COL5A1: variants seen among roughly 807,000 people sequenced by gnomAD.
COL5A1 encodes collagen alpha-1(V) chain.
COL5A1 carries 16 observed loss-of-function variants against 263.7 expected under a neutral mutation model. The ratio of observed to expected loss-of-function variants is 0.06; its 90% CI spans 0.04 to 0.09. The LOEUF (loss-of-function observed/expected upper bound fraction) is 0.09. Among genes scored for constraint, COL5A1 ranks in the 10% least tolerant of loss-of-function variants. The probability of loss-of-function intolerance (pLI) is 1.00; values close to 1 mark genes in which losing one functional copy is unlikely to be tolerated. For missense variants in COL5A1, 2,036 were observed against 2,540.5 expected, an observed-to-expected ratio of 0.80 and a Z score of 4.27; for synonymous variants, 1,012 against 1,004.5, an observed-to-expected ratio of 1.01 and a Z score of -0.14.
intron 14 of COL5A1, among the ~76,000 whole-genome samples, chr9:134,752,995 T>C (rs1835841748): frequency 6.6e-6 from 1 of 152,082 alleles, no homozygotes; most frequent in African/African-American, 2.4e-5. Context: ...CACCCCTGCA[T>C]TGGAGTTCCA....
chr9:134,744,891 ACACT>A (rs1407965672), intron 11 of COL5A1, among the ~76,000 whole-genome samples: 4 of 143,142 alleles, frequency 2.8e-5, no homozygotes, highest in Non-Finnish European at 4.4e-5. Flanking sequence ...ACCTGCACAC[ACACT>A]CATGCACATA....
intron 4 of COL5A1, chr9:134,708,518 T>G: frequency 2.0e-6 from 1 of 508,952 alleles, no homozygotes; most frequent in Non-Finnish European, 3.9e-6. Flanking sequence ...GCTGTCTCCT[T>G]AGCATCCACT....
intron 63 of COL5A1, among the ~76,000 whole-genome samples, chr9:134,828,984 C>G (rs1185304117): frequency 6.6e-6 from 1 of 151,308 alleles, no homozygotes; most frequent in Non-Finnish European, 1.5e-5. Context: ...ACATACCCCC[C>G]ACACCATGCA....
chr9:134,775,341 A>G (rs1331705156), intron 27 of COL5A1, among the ~76,000 whole-genome samples: 1 of 152,204 alleles, frequency 6.6e-6, no homozygotes, highest in South Asian at 2.1e-4. Flanking sequence ...CTTCCCAGCC[A>G]TTTGCACATT....
chr9:134,843,422 C>T lies in COL5A1; in HGVS notation c.*1119C>T, dbSNP rs1830159041. ...GTTTTAAGGTCTCCTTGAAGGCGCA[C>T]TGGGGACCCTGGCCATGCCTCGTTC... On this transcript the variant is annotated 3_prime_UTR_variant, in exon 66 of 66. Transcript: ENST00000371817. 1 of 152,588 alleles carries T rather than the reference C, an allele frequency of 6.6e-6. No homozygotes were observed. Among genetic ancestry groups the T allele is most frequent in the South Asian group, 2.1e-4 (1 of 4,822 alleles). The allele number at this position is 152,588 out of a possible 1,614,324, so 9.5% of individuals were successfully genotyped here. A position where few individuals can be genotyped will look rare whatever the true frequency, so the allele number is the denominator to read the frequency against.
intron 1 of COL5A1, among the ~76,000 whole-genome samples, chr9:134,659,948 G>A (rs192892937): frequency 1.3e-5 from 2 of 152,254 alleles, no homozygotes; most frequent in Admixed American, 6.5e-5. Flanking sequence ...AGTTTCAGCC[G>A]ACACACGGCC....
intron 1 of COL5A1, among the ~76,000 whole-genome samples, chr9:134,676,341 G>GGCCATCTC (rs1832683860): frequency 6.6e-6 from 1 of 152,122 alleles, no homozygotes; most frequent in African/African-American, 2.4e-5. Flanking sequence ...GGACATGTTG[G>GGCCATCTC]GCCATCTCTC....
chr9:134,708,547 C>T (rs1277531771), intron 4 of COL5A1: 2 of 517,200 alleles, frequency 3.9e-6, no homozygotes, highest in Non-Finnish European at 7.7e-6. Context: ...CTGTAGGATC[C>T]ACCTCCGCTG....
At chr9:134,668,037 G>C (rs779111243) in intron 1 of COL5A1, among the ~76,000 whole-genome samples, 1 of 152,182 alleles carries the variant, frequency 6.6e-6, no homozygotes, top group Non-Finnish European at 1.5e-5. Context: ...CAGTGTTGTG[G>C]ATGTACCAGG....
In COL5A1 at chr9:134,768,970, G is replaced by A. The variant is rs115926845; in HGVS notation, c.2286+507G>A. On this transcript the variant is annotated intron_variant, in intron 25 of 65. Transcript: ENST00000371817. ...GACAAATCCAATCTGTGTCTAAGCT[G>A]TGTGGAGGGGGGAGGTGTGAGGAAG... Among the ~76,000 whole-genome samples the A allele has an allele frequency of 1.3e-3, 195 of 152,352 alleles. 1 individual carries two copies. The highest frequency in any genetic ancestry group is 4.5e-3 in the African/African-American group (187 of 41,582).
Position 134,716,010 on chromosome 9 carries a change from A to G in COL5A1, c.655-11256A>G. ...GGTGGTGGTGGTGGTGGTGGTGATG[A>G]TGTTAGTAGTGTGTTGGTTCTATGG... On this transcript the variant is annotated intron_variant, in intron 4 of 65. Coordinates refer to ENST00000371817, the MANE Select transcript of COL5A1 (RefSeq NM_000093.5). The surrounding 1 kb of genome is among the most constrained non-coding windows in gnomAD (Gnocchi z 4.5). Among the ~76,000 whole-genome samples, 1 of 150,666 alleles carries G rather than the reference A, an allele frequency of 6.6e-6. No individual in the cohort carries two copies. Among genetic ancestry groups the G allele is most frequent in the East Asian group, 1.9e-4 (1 of 5,140 alleles).
rs1386920835 is a variant in COL5A1, at chr9:134,686,441, G to A, written c.110-4471G>A. On this transcript the variant is annotated intron_variant, in intron 1 of 65. Transcript: ENST00000371817. This position sits in a 1 kb window ranked among gnomAD's most constrained non-coding sequence, Gnocchi z 4.6. ...CTAATTTTTGTATTTATGTAGAGAC[G>A]GGGTTTTACCATGTTGCCCAGGTTG... Among the ~76,000 whole-genome samples the A allele has an allele frequency of 1.3e-5, 2 of 152,028 alleles. No individual in the cohort carries two copies. Among genetic ancestry groups the A allele is most frequent in the Non-Finnish European group, 2.9e-5 (2 of 68,018 alleles).
At position 134,741,883 on chromosome 9, in the gene COL5A1, C is replaced by A. The variant is rs1012913590; in HGVS notation, c.1494+3075C>A. Among the ~76,000 whole-genome samples, 1 of 152,098 alleles carries A rather than the reference C, an allele frequency of 6.6e-6. No individual in the cohort carries two copies. Among genetic ancestry groups the A allele is most frequent in the African/African-American group, 2.4e-5 (1 of 41,428 alleles). ...AGCCCTTCCTCCCTTCCCCAAGGGC[C>A]GTCTGGCCGTGACCGGTTTGTGCCT... On this transcript the variant is annotated intron_variant, in intron 11 of 65. Coordinates refer to ENST00000371817, the MANE Select transcript of COL5A1 (RefSeq NM_000093.5). The surrounding 1 kb of genome is among the most constrained non-coding windows in gnomAD (Gnocchi z 4.5).
chr9:134,829,511 CCCGAGGG>C (rs1247086510), intron 63 of COL5A1, among the ~76,000 whole-genome samples: 305 of 150,094 alleles, frequency 2.0e-3, no homozygotes, highest in African/African-American at 6.9e-3. Context: ...CTCCAGTCTC[CCCGAGGG>C]CTGGGGCCAG....
chr9:134,835,327 ACT>A (rs1839815477), intron 65 of COL5A1, 123 bp downstream of exon 65: 3 of 835,026 alleles, frequency 3.6e-6, no homozygotes, highest in Admixed American at 4.3e-5. Context: ...CCCGGACCAG[ACT>A]CTCGCCCCAG....
In COL5A1 at chr9:134,686,044, C is replaced by T. The variant is rs928227917; in HGVS notation, c.110-4868C>T. Among the ~76,000 whole-genome samples, 8 of 152,338 alleles carry T rather than the reference C, an allele frequency of 5.3e-5. No homozygotes were observed. Among genetic ancestry groups the T allele is most frequent in the African/African-American group, 1.9e-4 (8 of 41,574 alleles). The stretch of plus-strand genomic sequence containing the variant: ...TCCATTCATCCATCTATCCACCATT[C>T]ATTTATCCACTATCCATCCATTCAT... On this transcript the variant is annotated intron_variant, in intron 1 of 65. Coordinates refer to ENST00000371817, the MANE Select transcript of COL5A1 (RefSeq NM_000093.5). The surrounding 1 kb of genome is among the most constrained non-coding windows in gnomAD (Gnocchi z 4.6).
Position 134,730,580 on chromosome 9 carries a change from G to A in COL5A1, c.1164+105G>A, listed in dbSNP as rs932627851. The A allele has an allele frequency of 3.1e-5, 47 of 1,517,492 alleles. No homozygotes were observed. The African/African-American group carries it at 4.1e-4, about 13-fold the overall frequency. 94.0% of individuals were successfully genotyped at this position (1,517,492 alleles called of 1,614,324 possible). ...TTCTTACTCCAGTTCTCACCTTGGT[G>A]TCCTCGGGTGGCCCCTGTGTTCCAC... On this transcript the variant is annotated intron_variant, in intron 7 of 65. Coordinates refer to ENST00000371817, the MANE Select transcript of COL5A1 (RefSeq NM_000093.5).
chr9:134,714,972 C>T (rs1267872443), intron 4 of COL5A1, among the ~76,000 whole-genome samples: 3 of 151,762 alleles, frequency 2.0e-5, no homozygotes, highest in African/African-American at 2.4e-5. Context: ...GGGTGTTTCT[C>T]GTTGGGTGGG....
intron 59 of COL5A1, 100 bp from the exon 60 acceptor site, chr9:134,822,898 A>AGAGGGGC (rs899219850): frequency 5.3e-6 from 7 of 1,321,780 alleles, no homozygotes; most frequent in Non-Finnish European, 7.6e-6. Context: ...TGCGGGTGGG[A>AGAGGGGC]GAGGGGCGAG....
Sources: gnomAD v4.1 joint callset for allele counts (sites outside exome capture counted in the v4.1 genomes callset) on GRCh38, gnomAD v4.1.1 for gene constraint, Gnocchi (gnomAD v3.1) non-coding constraint, MANE v1.5 for transcripts, NCBI Gene and HGNC (gene_info 2026-07-23, HGNC 2026-07-21) for gene names.